The following RBKS variants were observed in gnomAD, a reference collection of about 807,000 sequenced individuals.
The protein encoded by RBKS is ribokinase.
A neutral mutation model predicts 33.9 loss-of-function variants in RBKS; 33 were observed. That is an observed-to-expected ratio of 0.97 (90% CI 0.74 to 1.30). RBKS has a LOEUF of 1.30. Ranked by LOEUF, RBKS falls within the 50% of genes most tolerant of loss-of-function variation. The pLI is 0.00. For missense variants in RBKS, 361 were observed against 392.6 expected (o/e 0.92, Z 0.68); for synonymous variants, 125 against 143.0 (o/e 0.87, Z 0.90).
intron 7 of RBKS, among the ~76,000 whole-genome samples, chr2:27,790,909 C>T (rs1210246691): frequency 6.6e-6 from 1 of 152,182 alleles, no homozygotes; most frequent in Non-Finnish European, 1.5e-5. Flanking sequence ...CCCAGCAATT[C>T]TATTCCTAGC....
intron 5 of RBKS, among the ~76,000 whole-genome samples, chr2:27,840,329 C>CAT (rs1663458642): frequency 1.6e-5 from 2 of 125,850 alleles, no homozygotes; most frequent in African/African-American, 3.5e-5. Flanking sequence ...TGATGCATTA[C>CAT]ACACACACAC....
intron 1 of RBKS, among the ~76,000 whole-genome samples, chr2:27,884,103 G>C (rs1349835580): frequency 6.6e-6 from 1 of 152,090 alleles, no homozygotes; most frequent in Non-Finnish European, 1.5e-5. Flanking sequence ...TCCTTTTTTA[G>C]TTTTTGAAAA....
rs1290702186 is a variant in RBKS, at chr2:27,810,420, T to TGGATGGAAGGGCATTTACC, written c.795+17128_795+17146dup. 9.9e-5 allele frequency among the ~76,000 whole-genome samples: 15 copies of TGGATGGAAGGGCATTTACC among 152,170 alleles called. No homozygotes were observed. Among genetic ancestry groups the TGGATGGAAGGGCATTTACC allele is most frequent in the Admixed American group, 8.5e-4 (13 of 15,266 alleles). On this transcript the variant is annotated intron_variant, in intron 7 of 7. Transcript: ENST00000302188. The surrounding 1 kb of genome is among the most constrained non-coding windows in gnomAD (Gnocchi z 4.4). ...TTCATTCCCTAGAAGGCAGGCATACTGGATGGAAGGGCATTTACCGGATGG... is the reference window on the plus strand; with the variant it reads ...TTCATTCCCTAGAAGGCAGGCATACTGGATGGAAGGGCATTTACCGGATGGAAGGGCATTTACCGGATGG...
At chr2:27,789,896 A>G (rs1445575794) in intron 7 of RBKS, among the ~76,000 whole-genome samples, 5 of 130,040 alleles carry the variant, frequency 3.8e-5, no homozygotes, top group African/African-American at 9.6e-5. Context: ...GTGTGTGTGT[A>G]TAGAGTGTGT....
chr2:27,847,358 TCCC>T (rs552552297), intron 3 of RBKS, among the ~76,000 whole-genome samples: 225 of 152,252 alleles, frequency 1.5e-3, no homozygotes, highest in African/African-American at 5.2e-3. Context: ...TACTTTCGAT[TCCC>T]CCCAATTATT....
chr2:27,826,665 C>T (rs576693357), intron 7 of RBKS, among the ~76,000 whole-genome samples: 1 of 152,280 alleles, frequency 6.6e-6, no homozygotes, highest in African/African-American at 2.4e-5. Flanking sequence ...CTCAGCCTCC[C>T]AAAGTGCTGG....
intron 5 of RBKS, 84 bp from the exon 6 acceptor site, chr2:27,832,861 C>T (rs1167166772): frequency 1.1e-6 from 1 of 903,506 alleles, no homozygotes; most frequent in East Asian, 2.5e-5. Flanking sequence ...TAGGGAAAAT[C>T]CCCGAGTTCG....
intron 1 of RBKS, among the ~76,000 whole-genome samples, chr2:27,861,935 G>C (rs1292235470): frequency 1.3e-5 from 2 of 150,882 alleles, no homozygotes; most frequent in African/African-American, 4.9e-5. Context: ...GTGATCCATG[G>C]CGCCTGGCCT....
At chr2:27,861,541 T>C (rs746552726) in intron 1 of RBKS, 21 of 471,032 alleles carry the variant, frequency 4.5e-5, no homozygotes, top group Non-Finnish European at 8.8e-5. Context: ...TGTCCTGATG[T>C]ATCTCCTACA....
chr2:27,866,270 A>G (rs1664096329), intron 1 of RBKS, among the ~76,000 whole-genome samples: 1 of 152,204 alleles, frequency 6.6e-6, no homozygotes, highest in Admixed American at 6.5e-5. Context: ...TCTGACAGGA[A>G]GTCTGCAATC....
intron 6 of RBKS, among the ~76,000 whole-genome samples, chr2:27,830,742 A>G (rs1364613699): frequency 6.6e-6 from 1 of 152,194 alleles, no homozygotes; most frequent in Non-Finnish European, 1.5e-5. Flanking sequence ...CCTATATCAT[A>G]TCACACATCC....
intron 7 of RBKS, among the ~76,000 whole-genome samples, chr2:27,793,716 C>T (rs777176663): frequency 6.6e-6 from 1 of 152,128 alleles, no homozygotes. Flanking sequence ...CATTACAGGA[C>T]TGTACATATA....
intron 1 of RBKS, among the ~76,000 whole-genome samples, chr2:27,887,986 C>T (rs370449034): frequency 2.6e-5 from 4 of 152,146 alleles, no homozygotes; most frequent in Non-Finnish European, 4.4e-5. Flanking sequence ...TCCCCTACCC[C>T]ACCCCACAAA....
intron 7 of RBKS, among the ~76,000 whole-genome samples, chr2:27,801,462 T>TACACAC (rs1491245145): frequency 0.015 from 1,209 of 82,980 alleles, 13 homozygotes; most frequent in African/African-American, 0.028. Flanking sequence ...AGGGCCACAG[T>TACACAC]ATACACACAC....
chr2:27,791,557 A>G (rs900023093), intron 7 of RBKS, among the ~76,000 whole-genome samples: 2 of 151,796 alleles, frequency 1.3e-5, no homozygotes, highest in African/African-American at 4.9e-5. Context: ...TCCATCTTGC[A>G]GATCGTGGGC....
At chr2:27,783,572 T>C (rs867914333) in intron 7 of RBKS, among the ~76,000 whole-genome samples, 4 of 152,132 alleles carry the variant, frequency 2.6e-5, no homozygotes, top group African/African-American at 7.2e-5. Flanking sequence ...CTAACAATTG[T>C]GTTCAGGACA....
At chr2:27,875,784 G>A (rs942062271) in intron 1 of RBKS, among the ~76,000 whole-genome samples, 1 of 152,158 alleles carries the variant, frequency 6.6e-6, no homozygotes, top group Non-Finnish European at 1.5e-5. Flanking sequence ...GGCTGAGATT[G>A]AGGGTGGCAG....
At position 27,826,403 on chromosome 2, in the gene RBKS, T is replaced by C. The variant is rs182794545; in HGVS notation, c.795+1164A>G. On this transcript the variant is annotated intron_variant, in intron 7 of 7. Coordinates refer to ENST00000302188, the MANE Select transcript of RBKS (RefSeq NM_022128.3). ...TTTCTAGTCAGCTCTCCTGAATCTGTTTTTCTTTTCTTTTTTTTTTTTTTG... is the reference window on the plus strand; with the variant it reads ...TTTCTAGTCAGCTCTCCTGAATCTGCTTTTCTTTTCTTTTTTTTTTTTTTG... Among the ~76,000 whole-genome samples the C allele has an allele frequency of 8.9e-3, 1,358 of 152,024 alleles. 5 individuals carry two copies. The highest frequency in any genetic ancestry group is 0.014 in the Non-Finnish European group (950 of 67,956).
chr2:27,882,675 C>T (rs565072332), intron 1 of RBKS, among the ~76,000 whole-genome samples: 1 of 152,280 alleles, frequency 6.6e-6, no homozygotes, highest in South Asian at 2.1e-4. Context: ...ATGGAATCAA[C>T]CTAAATGCCC....
Sources: allele counts gnomAD v4.1 joint callset (sites outside exome capture counted in the v4.1 genomes callset), GRCh38; gene constraint gnomAD v4.1.1; non-coding constraint Gnocchi (gnomAD v3.1); transcripts MANE v1.5; gene names NCBI Gene and HGNC (gene_info 2026-07-23, HGNC 2026-07-21).